The following COL4A2 variants were observed in gnomAD, a reference collection of about 807,000 sequenced individuals.
The protein encoded by COL4A2 is collagen type IV alpha 2 chain.
In COL4A2, 99 loss-of-function variants were observed where a neutral mutation model predicts 200.2. That is an observed-to-expected ratio of 0.49 (90% CI 0.42 to 0.58). The LOEUF (loss-of-function observed/expected upper bound fraction) is 0.58, where lower values mean the gene tolerates loss of function less well. COL4A2 is among the 20% of genes least tolerant of loss of function. The pLI, the probability that COL4A2 is intolerant of heterozygous loss-of-function variation, is 0.00. For synonymous variants in COL4A2, 897 were observed against 900.6 expected, an observed-to-expected ratio of 1.00 and a Z score of 0.07; for missense variants, 1,950 against 2,314.1, an observed-to-expected ratio of 0.84 and a Z score of 3.23.
At chr13:110,328,745 G>A (rs1034052824) in intron 3 of COL4A2, among the ~76,000 whole-genome samples, 4 of 152,178 alleles carry the variant, frequency 2.6e-5, no homozygotes, top group Admixed American at 2.0e-4. Flanking sequence ...AGAGACGGGC[G>A]GGCTCCGTCA....
At position 110,478,008 on chromosome 13, in the gene COL4A2, C is replaced by A; in HGVS notation, c.2431C>A (p.Gln811Lys). 6.4e-7 allele frequency: 1 copy of A among 1,564,160 alleles called. No homozygotes were observed. Among genetic ancestry groups the A allele is most frequent in the South Asian group, 1.2e-5 (1 of 84,930 alleles). ...DRGPPGFRGS[Q>K]GMPGMPGLKG... ...CTTGTCTCTGATTCCTGCAGGAAGC[C>A]AAGGGATGCCTGGGATGCCAGGGCT... The change falls in exon 30 of 48, where the codon CAA (glutamine) becomes AAA (lysine). Residue 811 changes from glutamine to lysine, a missense_variant. Transcript: ENST00000360467.
At chr13:110,413,762 T>G (rs984028777) in intron 4 of COL4A2, among the ~76,000 whole-genome samples, 3 of 152,276 alleles carry the variant, frequency 2.0e-5, no homozygotes, top group Middle Eastern at 3.4e-3. Context: ...TACCTTTGCT[T>G]CACAAATGAG....
chr13:110,311,813 A>G (rs532209686), intron 3 of COL4A2, among the ~76,000 whole-genome samples: 2 of 152,330 alleles, frequency 1.3e-5, no homozygotes, highest in Non-Finnish European at 2.9e-5. Context: ...ACCTGGGGCC[A>G]CAATAGACGT....
In COL4A2 at chr13:110,431,508, A is replaced by G. The variant is rs188995860; in HGVS notation, c.649-817A>G. 9.8e-5 allele frequency among the ~76,000 whole-genome samples: 15 copies of G among 152,358 alleles called. No homozygotes were observed. In the East Asian group the frequency reaches 2.7e-3, roughly 27 times the overall value. ...TGCTGTGAAAGTCATTCTTGCAAGT[A>G]GCCCCGTCTGTGAAAGACCTGGTCA... On this transcript the variant is annotated intron_variant, in intron 10 of 47. Transcript: ENST00000360467.
At chr13:110,342,952 G>A (rs1876524137) in intron 3 of COL4A2, among the ~76,000 whole-genome samples, 1 of 152,176 alleles carries the variant, frequency 6.6e-6, no homozygotes, top group Admixed American at 6.5e-5. Flanking sequence ...ACTGGTATAG[G>A]AGAGCAGGGT....
At chr13:110,359,767 C>T (rs1337791524) in intron 4 of COL4A2, among the ~76,000 whole-genome samples, 1 of 152,218 alleles carries the variant, frequency 6.6e-6, no homozygotes, top group African/African-American at 2.4e-5. Context: ...TTTATAAATA[C>T]TGTCTTCCTA....
intron 29 of COL4A2, among the ~76,000 whole-genome samples, chr13:110,477,491 G>T: frequency 6.6e-6 from 1 of 152,122 alleles, no homozygotes; most frequent in South Asian, 2.1e-4. Context: ...GTTTCCTAAA[G>T]AAATTACCTA....
chr13:110,357,506 G>T lies in COL4A2; in HGVS notation c.134G>T (p.Arg45Ile). Residue 45 changes from arginine to isoleucine, a missense_variant, in exon 4 of 48, where the codon AGA (arginine) becomes ATA (isoleucine). This residue lies in a region of COL4A2 where 565 missense variants were observed against 593.5 expected (regional missense o/e 0.95). Coordinates refer to ENST00000360467, the MANE Select transcript of COL4A2 (RefSeq NM_001846.4). ...VKKFDVPCGG[R>I]DCSGGCQCYP... ...AAGTTTGATGTGCCGTGTGGAGGAA[G>T]AGATTGCAGTGGGGGCTGCCAGTGC... The T allele has an allele frequency of 6.3e-7, 1 of 1,595,172 alleles. No individual in the cohort carries two copies. Among genetic ancestry groups the T allele is most frequent in the East Asian group, 2.3e-5 (1 of 44,252 alleles).
At chr13:110,457,701 C>G in intron 21 of COL4A2, 1 of 618,736 alleles carries the variant, frequency 1.6e-6, no homozygotes, top group Non-Finnish European at 3.1e-6. Flanking sequence ...CAGCAGTGAG[C>G]CTGATGCTGA....
At chr13:110,446,962 C>A in intron 18 of COL4A2, 98 bp downstream of exon 18, 3 of 948,412 alleles carry the variant, frequency 3.2e-6, no homozygotes, top group South Asian at 2.1e-5. Context: ...ATATTCTAAG[C>A]AACCCTAAAA....
chr13:110,325,734 A>G (rs1885389322), intron 3 of COL4A2, among the ~76,000 whole-genome samples: 2 of 151,774 alleles, frequency 1.3e-5, no homozygotes, highest in Non-Finnish European at 2.9e-5. Flanking sequence ...GTGCATTGTC[A>G]AGGAGGAGAA....
At chr13:110,351,129 A>G (rs939378086) in intron 3 of COL4A2, among the ~76,000 whole-genome samples, 3 of 151,262 alleles carry the variant, frequency 2.0e-5, no homozygotes, top group Admixed American at 1.3e-4. Context: ...GCTCACTGCA[A>G]CCTCCACCTC....
At chr13:110,308,864 A>G (rs542650102) in intron 3 of COL4A2, among the ~76,000 whole-genome samples, 1 of 152,220 alleles carries the variant, frequency 6.6e-6, no homozygotes, top group African/African-American at 2.4e-5. Context: ...TTATGTAACC[A>G]TGGCTAAAAT....
chr13:110,457,676 C>A, intron 21 of COL4A2: 1 of 650,042 alleles, frequency 1.5e-6, no homozygotes, highest in Non-Finnish European at 2.9e-6. Context: ...CCATCCTCGT[C>A]ACTGACCTTC....
chr13:110,318,732 G>A (rs1323190503), intron 3 of COL4A2, among the ~76,000 whole-genome samples: 1 of 152,176 alleles, frequency 6.6e-6, no homozygotes, highest in Non-Finnish European at 1.5e-5. Context: ...TGGCTGTAGA[G>A]AGTTTAGCAA....
At chr13:110,505,863 C>T (rs1483767691) in intron 45 of COL4A2, among the ~76,000 whole-genome samples, 1 of 152,124 alleles carries the variant, frequency 6.6e-6, no homozygotes, top group Admixed American at 6.5e-5. Flanking sequence ...ACGCCAGGCA[C>T]GTTGGGCACA....
At chr13:110,418,004 G>A (rs118016890) in intron 4 of COL4A2, among the ~76,000 whole-genome samples, 1,633 of 152,116 alleles carry the variant, frequency 0.011, 15 homozygotes, top group South Asian at 0.029. Context: ...CGTTCCTGCC[G>A]GCAGCCCATG....
chr13:110,501,332 C>T (rs1167050472), intron 40 of COL4A2, among the ~76,000 whole-genome samples: 1 of 152,220 alleles, frequency 6.6e-6, no homozygotes, highest in Non-Finnish European at 1.5e-5. Context: ...CAGAGTCTGA[C>T]CAGCTGTGCC....
chr13:110,397,686 G>A (rs1344719038), intron 4 of COL4A2, among the ~76,000 whole-genome samples: 1 of 152,186 alleles, frequency 6.6e-6, no homozygotes, highest in Non-Finnish European at 1.5e-5. Context: ...GATCTGAGAC[G>A]GGCGTGTCAG....
Sources: gnomAD v4.1 joint callset for allele counts (sites outside exome capture counted in the v4.1 genomes callset) on GRCh38, gnomAD v4.1.1 for gene constraint, gnomAD v4.1.1 regional missense constraint, MANE v1.5 for transcripts, NCBI Gene and HGNC (gene_info 2026-07-23, HGNC 2026-07-21) for gene names.